DOCK4: variants seen among roughly 807,000 people sequenced by gnomAD.
DOCK4 encodes dedicator of cytokinesis 4.
In DOCK4, 97 loss-of-function variants were observed where a neutral mutation model predicts 268.1. The ratio of observed to expected loss-of-function variants is 0.36; its 90% CI spans 0.31 to 0.43. The LOEUF (loss-of-function observed/expected upper bound fraction) is 0.43, where lower values mean the gene tolerates loss of function less well. Among genes scored for constraint, DOCK4 ranks in the 20% least tolerant of loss-of-function variants. The probability of loss-of-function intolerance (pLI) is 1.00; values close to 1 mark genes in which losing one functional copy is unlikely to be tolerated. For synonymous variants in DOCK4, 954 were observed against 887.2 expected (o/e 1.08, Z -1.34); for missense variants, 2,145 against 2,455.7 (o/e 0.87, Z 2.67).
chr7:112,203,826 TACACACACAC>T (rs3056587), intron 1 of DOCK4, among the ~76,000 whole-genome samples: 6,074 of 146,878 alleles, frequency 0.041, 229 homozygotes, highest in African/African-American at 0.097. Flanking sequence ...AAAATTTCAC[TACACACACAC>T]ACACACACAC....
intron 1 of DOCK4, among the ~76,000 whole-genome samples, chr7:112,147,825 T>G (rs1396103855): frequency 1.2e-5 from 1 of 85,988 alleles, no homozygotes; most frequent in Non-Finnish European, 2.3e-5. Flanking sequence ...TTTTTTTTTT[T>G]GATAAAGAGA....
chr7:111,926,316 A>G lies in DOCK4; in HGVS notation c.1066+9224T>C, dbSNP rs746934585. Among the ~76,000 whole-genome samples, 6 of 147,084 alleles carry G rather than the reference A, an allele frequency of 4.1e-5. 1 individual carries two copies. The highest frequency in any genetic ancestry group is 5.9e-5 in the Non-Finnish European group (4 of 67,500). Reference sequence around the variant, plus strand: ...ATGGTGGCGCGCCGCCTGTAGTTCCAGCTATTCAGGAGGCTGAGGCAGGGA... The same window carrying G: ...ATGGTGGCGCGCCGCCTGTAGTTCCGGCTATTCAGGAGGCTGAGGCAGGGA... On this transcript the variant is annotated intron_variant, in intron 12 of 52. Coordinates refer to ENST00000428084, the MANE Select transcript of DOCK4 (RefSeq NM_001363540.2).
At chr7:112,099,930 CA>C (rs1810520487) in intron 1 of DOCK4, among the ~76,000 whole-genome samples, 1 of 152,094 alleles carries the variant, frequency 6.6e-6, no homozygotes, top group African/African-American at 2.4e-5. Context: ...ATTTATTACA[CA>C]AATTAAACAC....
At chr7:111,752,401 G>A (rs373306552) in intron 42 of DOCK4, among the ~76,000 whole-genome samples, 1 of 151,982 alleles carries the variant, frequency 6.6e-6, no homozygotes, top group Non-Finnish European at 1.5e-5. Flanking sequence ...CGGTGGGGGC[G>A]CTGAGGAGTG....
chr7:111,875,358 T>C (rs1465451080), intron 17 of DOCK4, among the ~76,000 whole-genome samples: 1 of 152,266 alleles, frequency 6.6e-6, no homozygotes, highest in Non-Finnish European at 1.5e-5. Context: ...TTCATAATTG[T>C]GTCTAACATC....
At chr7:112,004,702 T>C (rs1800711180) in intron 1 of DOCK4, among the ~76,000 whole-genome samples, 1 of 152,206 alleles carries the variant, frequency 6.6e-6, no homozygotes, top group Non-Finnish European at 1.5e-5. Flanking sequence ...AGTCTTCTTC[T>C]GCAGTAATCA....
chr7:111,793,680 T>C (rs190062095), intron 30 of DOCK4, among the ~76,000 whole-genome samples: 2 of 152,228 alleles, frequency 1.3e-5, no homozygotes, highest in African/African-American at 4.8e-5. Context: ...CTAATCACAA[T>C]GGGTATTTGG....
chr7:111,948,901 C>G (rs1455139446), intron 8 of DOCK4, among the ~76,000 whole-genome samples: 1 of 146,320 alleles, frequency 6.8e-6, no homozygotes, highest in Admixed American at 6.8e-5. Flanking sequence ...TTTAACGAAA[C>G]ATGCTTAGAA....
chr7:111,842,870 C>T (rs1378913798), intron 25 of DOCK4, among the ~76,000 whole-genome samples: 1 of 152,170 alleles, frequency 6.6e-6, no homozygotes, highest in African/African-American at 2.4e-5. Context: ...AGTGGCGAAC[C>T]TGGATTTCTA....
At chr7:111,932,909 C>T (rs192078802) in intron 12 of DOCK4, among the ~76,000 whole-genome samples, 18 of 151,780 alleles carry the variant, frequency 1.2e-4, no homozygotes, top group South Asian at 2.1e-4. Flanking sequence ...CAAGAAACAC[C>T]GAAAGGTTTA....
chr7:111,782,563 A>T (rs1338126520), intron 35 of DOCK4, among the ~76,000 whole-genome samples: 2 of 152,126 alleles, frequency 1.3e-5, no homozygotes, highest in Non-Finnish European at 2.9e-5. Context: ...ACAAGACTCT[A>T]GGAGGGTGAA....
chr7:111,821,755 A>C (rs6952515), intron 27 of DOCK4: 15,457 of 152,240 alleles, frequency 0.1, 2,548 homozygotes, highest in African/African-American at 0.34. Flanking sequence ...TGGATGAATA[A>C]AAAGAACGTC....
rs1803237314 is a variant in DOCK4 at position 112,031,146 on chromosome 7, A to C, written c.38-27015T>G. Among the ~76,000 whole-genome samples, 3 of 152,230 alleles carry C rather than the reference A, an allele frequency of 2.0e-5. No individual in the cohort carries two copies. The South Asian group carries it at 6.2e-4, about 31-fold the overall frequency. On this transcript the variant is annotated intron_variant, in intron 1 of 52. Coordinates refer to ENST00000428084, the MANE Select transcript of DOCK4 (RefSeq NM_001363540.2). ...ATCAAAGAATCAGACACTAGCAATC[A>C]CAAAAAAGCAAGAAAGGATGACACT...
At chr7:111,830,795 C>CT (rs397959331) in intron 26 of DOCK4, among the ~76,000 whole-genome samples, 2,695 of 147,244 alleles carry the variant, frequency 0.018, 72 homozygotes, top group African/African-American at 0.062. Context: ...GTATATTTTC[C>CT]TTTTTTTTTT....
At chr7:111,751,087 A>T (rs548561436) in intron 42 of DOCK4, among the ~76,000 whole-genome samples, 11 of 152,340 alleles carry the variant, frequency 7.2e-5, no homozygotes, top group African/African-American at 2.6e-4. Flanking sequence ...AATGATCACC[A>T]GTGGCTGCCA....
intron 1 of DOCK4, among the ~76,000 whole-genome samples, chr7:112,084,710 A>G (rs1487711441): frequency 2.0e-5 from 3 of 152,040 alleles, no homozygotes; most frequent in Non-Finnish European, 2.9e-5. Context: ...TTCTTAGAAA[A>G]TCTCCCTTCA....
chr7:111,869,428 C>A, intron 21 of DOCK4, 146 bp downstream of exon 21: 1 of 708,736 alleles, frequency 1.4e-6, no homozygotes, highest in Non-Finnish European at 2.4e-6. Flanking sequence ...AGCTCTCAAG[C>A]AGTCACAAAC....
intron 10 of DOCK4, 28 bp from the exon 11 acceptor site, chr7:111,940,270 C>T (rs1386689852): frequency 6.2e-7 from 1 of 1,613,642 alleles, no homozygotes; most frequent in Admixed American, 1.7e-5. Flanking sequence ...AATCATTAAC[C>T]CATGGAGCCA....
chr7:112,028,429 T>G (rs1802991748), intron 1 of DOCK4, among the ~76,000 whole-genome samples: 1 of 152,238 alleles, frequency 6.6e-6, no homozygotes, highest in Non-Finnish European at 1.5e-5. Flanking sequence ...GACCTATCAA[T>G]GCTTGTTTGA....
Sources: gnomAD v4.1 joint callset for allele counts (sites outside exome capture counted in the v4.1 genomes callset) on GRCh38, gnomAD v4.1.1 for gene constraint, MANE v1.5 for transcripts, NCBI Gene and HGNC (gene_info 2026-07-23, HGNC 2026-07-21) for gene names.